The following FBXL18 variants were observed in gnomAD, a reference collection of about 807,000 sequenced individuals.
FBXL18 encodes F-box and leucine rich repeat protein 18.
Under a neutral mutation model 46.0 loss-of-function variants are expected in FBXL18, and 36 were observed. That is an observed-to-expected ratio of 0.78 (90% confidence interval 0.60 to 1.03). The LOEUF is 1.03. Among genes scored for constraint, FBXL18 ranks in the 50% least tolerant of loss-of-function variants. The pLI is 0.00. For synonymous variants in FBXL18, 557 were observed against 465.3 expected (o/e 1.20, Z -2.54); for missense variants, 977 against 1,004.1 (o/e 0.97, Z 0.36).
intron 3 of FBXL18, among the ~76,000 whole-genome samples, chr7:5,492,721 G>T (rs1370975400): frequency 6.6e-6 from 1 of 152,114 alleles, no homozygotes; most frequent in Non-Finnish European, 1.5e-5. Context: ...GAGATACCCA[G>T]ACACAGACAG....
chr7:5,504,021 C>T (rs971403179), intron 2 of FBXL18, among the ~76,000 whole-genome samples: 4 of 151,352 alleles, frequency 2.6e-5, no homozygotes, highest in South Asian at 2.1e-4. Flanking sequence ...CTAGAGGCGC[C>T]GAGCCCTTCC....
At chr7:5,473,011 C>A (rs1783454377), downstream of FBXL18, among the ~76,000 whole-genome samples, 1 of 152,154 alleles carries the variant, frequency 6.6e-6, no homozygotes. Context: ...CATCCTCTCT[C>A]CCCTGCTGCA....
At chr7:5,511,926 T>G (rs971794057) in intron 1 of FBXL18, among the ~76,000 whole-genome samples, 24 of 151,394 alleles carry the variant, frequency 1.6e-4, no homozygotes, top group African/African-American at 5.6e-4. Flanking sequence ...TAAAAAAATT[T>G]TAAAAAGAGA....
chr7:5,502,204 C>T (rs1363360907), intron 2 of FBXL18, among the ~76,000 whole-genome samples, 173 bp from the exon 3 acceptor site: 4 of 152,214 alleles, frequency 2.6e-5, no homozygotes, highest in Admixed American at 1.3e-4. Flanking sequence ...GAGTCCCCAG[C>T]TAAGTGGGAC....
Position 5,481,789 on chromosome 7 carries a change from T to C in FBXL18, c.2143A>G (p.Asn715Asp). The C allele has an allele frequency of 1.9e-6, 3 of 1,613,488 alleles. No homozygotes were observed. The highest frequency in any genetic ancestry group is 2.2e-5 in the South Asian group (2 of 91,086). The part of the protein sequence containing the change: ...FKSRVAEEPP[N>D]LWW ...GGCTCCGCCTCTCACCACCACAGGT[T>C]CGGCGGTTCCTCGGCCACTCTGCTC... is the stretch of plus-strand genomic sequence containing the variant. Residue 715 changes from asparagine to aspartate, a missense_variant, in exon 5 of 5, where the codon AAC becomes GAC. Coordinates refer to ENST00000382368, the MANE Select transcript of FBXL18 (RefSeq NM_024963.6).
chr7:5,459,218 C>T (rs1433991987), intron 4 of FBXL18, among the ~76,000 whole-genome samples: 3 of 152,134 alleles, frequency 2.0e-5, no homozygotes, highest in Non-Finnish European at 4.4e-5. Flanking sequence ...GAACTCAGGC[C>T]GGCGGTAGGA....
chr7:5,466,884 C>T (rs1783348404), intron 4 of FBXL18, among the ~76,000 whole-genome samples: 1 of 152,156 alleles, frequency 6.6e-6, no homozygotes, highest in South Asian at 2.1e-4. Flanking sequence ...CAAAAGCAAA[C>T]TCAGTGGGCT....
intron 4 of FBXL18, chr7:5,489,691 AT>A: frequency 4.4e-6 from 1 of 225,864 alleles, no homozygotes; most frequent in South Asian, 5.4e-5. Flanking sequence ...AGGCAGGAGA[AT>A]GTCGTGAACC....
intron 4 of FBXL18, among the ~76,000 whole-genome samples, chr7:5,467,337 C>A (rs142152389): frequency 1.3e-5 from 2 of 150,782 alleles, no homozygotes; most frequent in Non-Finnish European, 3.0e-5. Flanking sequence ...GGTGACAGAG[C>A]GAGACTCCGT....
At chr7:5,490,646 C>G (rs1044779484) in intron 4 of FBXL18, among the ~76,000 whole-genome samples, 2 of 152,142 alleles carry the variant, frequency 1.3e-5, no homozygotes, top group Non-Finnish European at 2.9e-5. Context: ...AAACAACGGG[C>G]AGAGATGTGA....
intron 4 of FBXL18, among the ~76,000 whole-genome samples, chr7:5,454,886 G>A (rs142571263): frequency 6.6e-6 from 1 of 152,230 alleles, no homozygotes; most frequent in Non-Finnish European, 1.5e-5. Context: ...GAGAGAGGAC[G>A]CGCTGCTTGG....
chr7:5,492,529 T>C (rs1783956498), intron 3 of FBXL18, among the ~76,000 whole-genome samples: 1 of 151,964 alleles, frequency 6.6e-6, no homozygotes, highest in Admixed American at 6.6e-5. Context: ...TAGTGTGGAC[T>C]GAGCTGCGAC....
downstream of FBXL18, among the ~76,000 whole-genome samples, chr7:5,471,167 A>G (rs548774739): frequency 6.6e-6 from 1 of 152,290 alleles, no homozygotes; most frequent in East Asian, 1.9e-4. Context: ...CTGCAAGTTC[A>G]ACGCCCGCAA....
chr7:5,464,453 C>T (rs1562672686), intron 4 of FBXL18, among the ~76,000 whole-genome samples: 1 of 151,614 alleles, frequency 6.6e-6, no homozygotes, highest in Non-Finnish European at 1.5e-5. Context: ...GGACTCCAGC[C>T]CAGGAGACAG....
downstream of FBXL18, among the ~76,000 whole-genome samples, chr7:5,472,321 A>AGG (rs201393872): frequency 2.4e-4 from 37 of 152,250 alleles, 1 homozygote; most frequent in African/African-American, 8.4e-4. Flanking sequence ...CATCCTGGCA[A>AGG]GTGGGGGGTC....
chr7:5,468,611 G>C (rs1783381710), intron 4 of FBXL18, among the ~76,000 whole-genome samples: 1 of 151,984 alleles, frequency 6.6e-6, no homozygotes, highest in Non-Finnish European at 1.5e-5. Context: ...TATTTATTTA[G>C]TTAGTTATTG....
Position 5,481,676 on chromosome 7 carries a change from G to C in FBXL18, c.*99C>G, listed in dbSNP as rs1282946650. 2.2e-6 allele frequency: 3 copies of C among 1,335,904 alleles called. No individual in the cohort carries two copies. Among genetic ancestry groups the C allele is most frequent in the Non-Finnish European group, 2.1e-6 (2 of 957,932 alleles). The allele number at this position is 1,335,904 out of a possible 1,614,324, so 82.8% of individuals were successfully genotyped here. A position where few individuals can be genotyped will look rare whatever the true frequency, so the allele number is the denominator to read the frequency against. ...AGGTGGGGCGTGGCTGGCCGGGAGAGAGGCCCCCTTCCTCTTGTGACAAAC... is the reference window on the plus strand; with the variant it reads ...AGGTGGGGCGTGGCTGGCCGGGAGACAGGCCCCCTTCCTCTTGTGACAAAC... On this transcript the variant is annotated 3_prime_UTR_variant, in exon 5 of 5. Transcript: ENST00000382368.
chr7:5,456,684 A>G (rs1783179284), intron 4 of FBXL18, among the ~76,000 whole-genome samples: 1 of 149,480 alleles, frequency 6.7e-6, no homozygotes, highest in African/African-American at 2.4e-5. Context: ...CATGGCTAGG[A>G]GCAGAGAACA....
intron 3 of FBXL18, among the ~76,000 whole-genome samples, chr7:5,492,632 G>C (rs1783960002): frequency 6.6e-6 from 1 of 152,110 alleles, no homozygotes; most frequent in African/African-American, 2.4e-5. Context: ...ATGCAAGGGA[G>C]TTAAGAGGAG....
Sources: gnomAD v4.1 joint callset for allele counts (sites outside exome capture counted in the v4.1 genomes callset) on GRCh38, gnomAD v4.1.1 for gene constraint, MANE v1.5 for transcripts, NCBI Gene and HGNC (gene_info 2026-07-23, HGNC 2026-07-21) for gene names.